Variants in SAMD5 observed in about 807,000 individuals in gnomAD.
SAMD5 encodes sterile alpha motif domain-containing protein 5.
In SAMD5, 13 loss-of-function variants were observed where a neutral mutation model predicts 11.3. That is an observed-to-expected ratio of 1.15 (90% CI 0.75 to 1.83). The LOEUF (loss-of-function observed/expected upper bound fraction) is 1.83. Among genes scored for constraint, SAMD5 ranks in the 40% most tolerant of loss-of-function variants. SAMD5 has a pLI of 0.00. For missense variants in SAMD5, 255 were observed against 239.1 expected, an observed-to-expected ratio of 1.07 and a Z score of -0.44; for synonymous variants, 129 against 111.3, an observed-to-expected ratio of 1.16 and a Z score of -1.00.
At chr6:147,802,757 C>T in the SAMD5 span, among the ~76,000 whole-genome samples, 8 of 152,102 alleles carry the variant, frequency 5.3e-5, no homozygotes, top group South Asian at 1.7e-3. Context: ...AAAGAAGAGT[C>T]AAATACATGC....
chr6:147,775,163 C>G, the SAMD5 span, among the ~76,000 whole-genome samples: 1 of 152,086 alleles, frequency 6.6e-6, no homozygotes, highest in Non-Finnish European at 1.5e-5. Flanking sequence ...AGGCTTGAAC[C>G]TTGACTGGGT....
the SAMD5 span, among the ~76,000 whole-genome samples, chr6:147,954,217 T>A: frequency 1.3e-5 from 2 of 152,262 alleles, no homozygotes; most frequent in Non-Finnish European, 1.5e-5. Flanking sequence ...TCGAATTGTA[T>A]TGAATCACAT....
intron 1 of SAMD5, among the ~76,000 whole-genome samples, chr6:147,713,684 G>A (rs967767229): frequency 6.6e-6 from 1 of 152,160 alleles, no homozygotes; most frequent in African/African-American, 2.4e-5. Context: ...TTGGTGGCTT[G>A]TACACAGAGT....
the SAMD5 span, among the ~76,000 whole-genome samples, chr6:147,933,904 C>A: frequency 6.6e-6 from 1 of 152,122 alleles, no homozygotes; most frequent in Non-Finnish European, 1.5e-5. Flanking sequence ...TTGCAGGTGA[C>A]CTTTCATAGT....
chr6:147,655,023 C>A (rs1458794104), intron 1 of SAMD5, among the ~76,000 whole-genome samples: 1 of 152,070 alleles, frequency 6.6e-6, no homozygotes, highest in African/African-American at 2.4e-5. Flanking sequence ...ATCATCAAGG[C>A]ACCTAGCAAT....
At chr6:147,750,473 A>T in the SAMD5 span, among the ~76,000 whole-genome samples, 1 of 128,774 alleles carries the variant, frequency 7.8e-6, no homozygotes, top group African/African-American at 2.8e-5. Flanking sequence ...CCAGTGCCAC[A>T]TGTCTCCTGA....
the SAMD5 span, among the ~76,000 whole-genome samples, chr6:147,905,951 A>G: frequency 4.6e-5 from 7 of 152,190 alleles, no homozygotes; most frequent in African/African-American, 9.6e-5. Context: ...TGAGGGCTGC[A>G]TGGGGCCTTG....
intron 1 of SAMD5, among the ~76,000 whole-genome samples, chr6:147,553,544 A>G (rs1227040221): frequency 2.6e-5 from 4 of 152,218 alleles, no homozygotes; most frequent in Admixed American, 6.5e-5. Context: ...ACACGATGCC[A>G]TAAGGTTACC....
intron 1 of SAMD5, among the ~76,000 whole-genome samples, chr6:147,546,375 C>G (rs759342026): frequency 2.6e-5 from 4 of 152,038 alleles, no homozygotes; most frequent in Non-Finnish European, 5.9e-5. Flanking sequence ...ACTAAAAATA[C>G]AAAAATTTAC....
the SAMD5 span, among the ~76,000 whole-genome samples, chr6:147,776,669 C>T: frequency 6.6e-6 from 1 of 152,248 alleles, no homozygotes; most frequent in South Asian, 2.1e-4. Flanking sequence ...CTGTTGCTTT[C>T]CAAAGTGTAG....
intron 1 of SAMD5, among the ~76,000 whole-genome samples, chr6:147,645,003 G>A (rs982706851): frequency 6.6e-6 from 1 of 152,146 alleles, no homozygotes; most frequent in Non-Finnish European, 1.5e-5. Context: ...TCACAGATAG[G>A]TTTTTGTACT....
intron 1 of SAMD5, among the ~76,000 whole-genome samples, chr6:147,677,952 A>T (rs1790888244): frequency 6.6e-6 from 1 of 152,148 alleles, no homozygotes; most frequent in African/African-American, 2.4e-5. Context: ...CATTTAACAG[A>T]GCTTATGTAG....
chr6:147,602,659 G>A (rs1789640533), intron 1 of SAMD5, among the ~76,000 whole-genome samples: 1 of 152,186 alleles, frequency 6.6e-6, no homozygotes, highest in East Asian at 1.9e-4. Context: ...CAGGAGAATC[G>A]CTTGAACCTG....
At chr6:147,624,532 A>G (rs188071023) in intron 1 of SAMD5, among the ~76,000 whole-genome samples, 62 of 152,358 alleles carry the variant, frequency 4.1e-4, no homozygotes, top group African/African-American at 1.4e-3. Context: ...ATAGTCTCCT[A>G]TCCCATCCAG....
At chr6:147,523,174 T>C (rs1788281079) in intron 1 of SAMD5, among the ~76,000 whole-genome samples, 1 of 152,234 alleles carries the variant, frequency 6.6e-6, no homozygotes, top group South Asian at 2.1e-4. Context: ...CCATGTCAAA[T>C]TGAAAACCCT....
the SAMD5 span, among the ~76,000 whole-genome samples, chr6:147,922,688 G>A: frequency 5.1e-4 from 77 of 152,254 alleles, no homozygotes; most frequent in East Asian, 0.014. Context: ...AATAACTCGT[G>A]CTGGGATCTA....
intron 1 of SAMD5, among the ~76,000 whole-genome samples, chr6:147,649,269 A>G (rs1790448235): frequency 6.6e-6 from 1 of 152,208 alleles, no homozygotes. Context: ...ATTTGTGAAT[A>G]TAATCATAAG....
chr6:147,951,192 T>TC, the SAMD5 span, among the ~76,000 whole-genome samples: 13 of 147,582 alleles, frequency 8.8e-5, no homozygotes, highest in East Asian at 4.0e-4. Flanking sequence ...TTTCTTTCTT[T>TC]TTTTTTTTAT....
chr6:147,602,425 T>C (rs140538312), intron 1 of SAMD5, among the ~76,000 whole-genome samples: 1 of 152,296 alleles, frequency 6.6e-6, no homozygotes. Context: ...GTGATCCTTG[T>C]GGAAACAAAC....
Sources: gnomAD v4.1 joint callset for allele counts (sites outside exome capture counted in the v4.1 genomes callset) on GRCh38, gnomAD v4.1.1 for gene constraint, MANE v1.5 for transcripts, NCBI Gene and HGNC (gene_info 2026-07-23, HGNC 2026-07-21) for gene names.